The following CNTN5 variants were observed in gnomAD, a reference collection of about 807,000 sequenced individuals.
The protein encoded by CNTN5 is contactin-5.
Under a neutral mutation model 129.1 loss-of-function variants are expected in CNTN5, and 77 were observed. That is an observed-to-expected ratio of 0.60 (90% confidence interval 0.50 to 0.72). The LOEUF is 0.72. Among genes scored for constraint, CNTN5 ranks in the 30% least tolerant of loss-of-function variants. CNTN5 has a pLI of 0.00. For missense variants in CNTN5, 1,478 were observed against 1,328.8 expected (o/e 1.11, Z -1.75); for synonymous variants, 509 against 465.6 (o/e 1.09, Z -1.20).
chr11:99,955,445 C>A (rs1443753656), intron 7 of CNTN5, among the ~76,000 whole-genome samples: 3 of 152,032 alleles, frequency 2.0e-5, no homozygotes, highest in African/African-American at 7.2e-5. Flanking sequence ...AAACACTTTT[C>A]TTTATAAAAC....
At chr11:100,167,045 T>G (rs961411557) in intron 13 of CNTN5, among the ~76,000 whole-genome samples, 3 of 151,796 alleles carry the variant, frequency 2.0e-5, no homozygotes, top group Admixed American at 2.0e-4. Context: ...CTATGCATGA[T>G]TCATGGAGGA....
At chr11:99,743,708 A>G (rs925649151) in intron 3 of CNTN5, among the ~76,000 whole-genome samples, 1 of 152,120 alleles carries the variant, frequency 6.6e-6, no homozygotes, top group African/African-American at 2.4e-5. Context: ...TAGTACGTGT[A>G]AAAAGTCAAA....
chr11:99,921,429 C>T (rs920129853), intron 7 of CNTN5, among the ~76,000 whole-genome samples: 8 of 152,160 alleles, frequency 5.3e-5, no homozygotes, highest in African/African-American at 1.7e-4. Flanking sequence ...GAATGGCTCA[C>T]TCCCTCACAT....
intron 8 of CNTN5, among the ~76,000 whole-genome samples, chr11:99,974,326 G>C (rs1265473007): frequency 1.3e-5 from 2 of 152,108 alleles, no homozygotes; most frequent in African/African-American, 4.8e-5. Context: ...TTAAGGGACA[G>C]GCACAAGGTC....
At chr11:99,063,874 C>A (rs1289029558) in intron 1 of CNTN5, among the ~76,000 whole-genome samples, 6 of 152,016 alleles carry the variant, frequency 3.9e-5, no homozygotes, top group Non-Finnish European at 8.8e-5. Context: ...CCTCTACTGG[C>A]AACATATTAC....
At chr11:100,308,649 A>G in intron 21 of CNTN5, 181 bp downstream of exon 21, 1 of 1,304,384 alleles carries the variant, frequency 7.7e-7, no homozygotes. Flanking sequence ...TAACTGGTTT[A>G]TTTTTCAGTA....
At chr11:99,121,610 A>T (rs957521994) in intron 1 of CNTN5, among the ~76,000 whole-genome samples, 4 of 152,220 alleles carry the variant, frequency 2.6e-5, no homozygotes, top group Admixed American at 2.6e-4. Flanking sequence ...CCCACAACTC[A>T]CTGCAAAATC....
intron 2 of CNTN5, among the ~76,000 whole-genome samples, chr11:99,496,613 T>A (rs1472890587): frequency 6.6e-6 from 1 of 152,198 alleles, no homozygotes; most frequent in Non-Finnish European, 1.5e-5. Context: ...TCAGTGGCTG[T>A]CTAGCAAGAG....
chr11:99,155,754 A>G (rs756721185), intron 1 of CNTN5, among the ~76,000 whole-genome samples: 18 of 152,208 alleles, frequency 1.2e-4, no homozygotes, highest in Admixed American at 7.2e-4. Context: ...ATAACATTCA[A>G]GAATAAAGAA....
At chr11:99,789,868 A>G (rs1351881312) in intron 3 of CNTN5, among the ~76,000 whole-genome samples, 1 of 152,010 alleles carries the variant, frequency 6.6e-6, no homozygotes. Flanking sequence ...AATTGATCCC[A>G]TCATCCAGGT....
chr11:99,713,070 C>T (rs186040033), intron 3 of CNTN5, among the ~76,000 whole-genome samples: 14 of 152,082 alleles, frequency 9.2e-5, no homozygotes, highest in Admixed American at 7.2e-4. Context: ...TAAATTACTT[C>T]GGGCAATGTT....
At chr11:99,820,142 T>G (rs1227678629) in intron 4 of CNTN5, among the ~76,000 whole-genome samples, 2 of 109,014 alleles carry the variant, frequency 1.8e-5, no homozygotes, top group Non-Finnish European at 4.1e-5. Context: ...CCTGTGTTGG[T>G]TGTAAGTTAG....
intron 2 of CNTN5, among the ~76,000 whole-genome samples, chr11:99,548,440 G>A (rs1948372239): frequency 6.6e-6 from 1 of 152,204 alleles, no homozygotes; most frequent in African/African-American, 2.4e-5. Context: ...CTACAGCTAA[G>A]TGTTTGCCTT....
intron 2 of CNTN5, among the ~76,000 whole-genome samples, chr11:99,543,743 C>A (rs915667635): frequency 4.6e-5 from 7 of 151,950 alleles, no homozygotes; most frequent in Non-Finnish European, 7.4e-5. Flanking sequence ...CATGGTGAAA[C>A]CCCATCTCTA....
At chr11:100,196,108 A>T (rs1211211622) in intron 15 of CNTN5, among the ~76,000 whole-genome samples, 1 of 151,886 alleles carries the variant, frequency 6.6e-6, no homozygotes, top group African/African-American at 2.4e-5. Context: ...TAAGGTGTCT[A>T]ACTTATCCCA....
At chr11:100,018,692 G>A (rs185270008) in intron 9 of CNTN5, among the ~76,000 whole-genome samples, 3 of 152,046 alleles carry the variant, frequency 2.0e-5, no homozygotes, top group Admixed American at 6.6e-5. Context: ...ATACTTATGA[G>A]TGGAATGGCT....
intron 13 of CNTN5, among the ~76,000 whole-genome samples, chr11:100,107,488 CTT>C (rs10630943): frequency 1.6e-4 from 21 of 130,446 alleles, no homozygotes; most frequent in South Asian, 4.9e-4. Context: ...CTATAGTATT[CTT>C]TTTTTTTTTT....
At chr11:99,711,518 C>CATA (rs1954988104) in intron 3 of CNTN5, among the ~76,000 whole-genome samples, 1 of 151,844 alleles carries the variant, frequency 6.6e-6, no homozygotes, top group Non-Finnish European at 1.5e-5. Context: ...TTCTGGGGTA[C>CATA]ATATGCATAA....
chr11:100,193,505 C>T lies in CNTN5; in HGVS notation c.1726C>T (p.Leu576Phe). 3 of 1,595,776 alleles carry T rather than the reference C, an allele frequency of 1.9e-6. No homozygotes were observed. Among genetic ancestry groups the T allele is most frequent in the Non-Finnish European group, 2.6e-6 (3 of 1,169,106 alleles). ...TTCTATAGAACCTACAAGGATAGAA[C>T]TTACTCCTAAAAGAACAGAATTGAC... The part of the protein sequence containing the change: ...LSVKEPTRIE[L>F]TPKRTELTVG... The change falls in exon 15 of 25, where the codon CTT becomes TTT. Residue 576 changes from leucine (L) to phenylalanine (F), a missense_variant. Coordinates refer to ENST00000524871, the MANE Select transcript of CNTN5 (RefSeq NM_014361.4).
Sources: allele counts gnomAD v4.1 joint callset (sites outside exome capture counted in the v4.1 genomes callset), GRCh38; gene constraint gnomAD v4.1.1; transcripts MANE v1.5; gene names NCBI Gene and HGNC (gene_info 2026-07-23, HGNC 2026-07-21).